Variants in ARFGEF3 observed in about 807,000 individuals in gnomAD.
ARFGEF3 encodes the protein brefeldin A-inhibited guanine nucleotide-exchange protein 3.
ARFGEF3 carries 96 observed loss-of-function variants against 221.7 expected under a neutral mutation model. The ratio of observed to expected loss-of-function variants is 0.43; its 90% CI spans 0.37 to 0.51. ARFGEF3 has a LOEUF of 0.51. Ranked by LOEUF, ARFGEF3 falls within the 20% of genes least tolerant of loss-of-function variation. The pLI is 0.00. For synonymous variants in ARFGEF3, 1,145 were observed against 1,126.8 expected (o/e 1.02, Z -0.32); for missense variants, 2,410 against 2,789.9 (o/e 0.86, Z 3.07).
chr6:138,334,302 A>G lies in ARFGEF3; in HGVS notation c.5456A>G (p.His1819Arg). 6.2e-7 allele frequency: 1 copy of G among 1,613,670 alleles called. No homozygotes were observed. Residue 1819 changes from histidine to arginine, a missense_variant, in exon 33 of 34, where the codon CAC (histidine) becomes CGC (arginine). By Grantham distance (29) the His-to-Arg change is conservative. Around this residue, in one of 5 missense-constraint regions of ARFGEF3, gnomAD observed 723 missense variants for 991.9 expected, o/e 0.73. Transcript: ENST00000251691. The surrounding 1 kb of genome is among the most constrained non-coding windows in gnomAD (Gnocchi z 5.1). ...GCGATGAGCTTTAACATTTATTTCC[A>G]CGCCCTGGTGTGTGCTGTTCTCACC... Reference protein sequence around the residue: ...QSAMSFNIYFHALVCAVLTNQ... With the variant: ...QSAMSFNIYFRALVCAVLTNQ...
Position 138,324,116 on chromosome 6 carries a change from G to A in ARFGEF3, c.4963G>A (p.Glu1655Lys), listed in dbSNP as rs767837982. The change falls in exon 31 of 34, where the codon GAG (glutamate) becomes AAG (lysine). Residue 1655 changes from glutamate (E) to lysine (K), a missense_variant. Physicochemically the swap from Glu to Lys is moderately conservative, Grantham distance 56. Coordinates refer to ENST00000251691, the MANE Select transcript of ARFGEF3 (RefSeq NM_020340.5). ...VAAPSSSPSA[E>K]AEYWRIRAMA... is the part of the protein sequence containing the mutation. ...GGCCCCGTCCTCCTCCCCAAGTGCCGAGGCCGAGTACTGGCGCATCCGAGC... is the reference window on the plus strand; with the variant it reads ...GGCCCCGTCCTCCTCCCCAAGTGCCAAGGCCGAGTACTGGCGCATCCGAGC... The A allele has an allele frequency of 1.1e-5, 18 of 1,613,686 alleles. No homozygotes were observed. The highest frequency in any genetic ancestry group is 2.2e-5 in the East Asian group (1 of 44,884).
At chr6:138,218,480 A>T (rs995904398) in intron 4 of ARFGEF3, 1 of 1,455,128 alleles carries the variant, frequency 6.9e-7, no homozygotes. Flanking sequence ...CCACCTCGAT[A>T]TATTTAAGGT....
chr6:138,299,556 C>A (rs554191374), intron 22 of ARFGEF3, among the ~76,000 whole-genome samples: 5 of 152,286 alleles, frequency 3.3e-5, no homozygotes, highest in East Asian at 1.9e-4. Flanking sequence ...TTAAACATTT[C>A]TTTTAAATAC....
chr6:138,301,169 T>C (rs1447955989), intron 22 of ARFGEF3, among the ~76,000 whole-genome samples: 1 of 152,114 alleles, frequency 6.6e-6, no homozygotes, highest in Non-Finnish European at 1.5e-5. Context: ...AGAAGTTAGG[T>C]TAACCTTCCC....
chr6:138,292,161 T>A, intron 19 of ARFGEF3, 108 bp downstream of exon 19: 2 of 922,994 alleles, frequency 2.2e-6, no homozygotes, highest in Non-Finnish European at 3.0e-6. Context: ...GCCAATCACT[T>A]AAATCTCTTC....
Position 138,321,143 on chromosome 6 carries a change from C to T in ARFGEF3, c.4684C>T (p.Leu1562=), listed in dbSNP as rs1360942675. Residue 1562 remains leucine (L), a synonymous_variant, in exon 29 of 34, where the codon CTG becomes TTG. Transcript: ENST00000251691. ...GTACGAGAGCATGATCAATACCATG[C>T]TGAAGGACCTCTTTGAGTTGCTGGT... ...IRYESMINTM[L]KDLFELLVAC... is the part of the protein sequence containing the mutation. 1.5e-5 allele frequency: 24 copies of T among 1,563,536 alleles called. No homozygotes were observed. The highest frequency in any genetic ancestry group is 2.0e-5 in the Non-Finnish European group (23 of 1,152,400).
chr6:138,209,005 A>G (rs568660798), intron 3 of ARFGEF3, among the ~76,000 whole-genome samples: 24 of 152,268 alleles, frequency 1.6e-4, no homozygotes, highest in Middle Eastern at 3.4e-3. Flanking sequence ...ACAATCTGAA[A>G]AAGAATTTTA....
chr6:138,181,576 TGGA>T (rs1362077859), intron 2 of ARFGEF3, among the ~76,000 whole-genome samples: 2 of 152,178 alleles, frequency 1.3e-5, no homozygotes, highest in African/African-American at 2.4e-5. Flanking sequence ...CCAGAGTAGC[TGGA>T]GTTACAGGCA....
intron 1 of ARFGEF3, among the ~76,000 whole-genome samples, chr6:138,166,237 A>G (rs1253170270): frequency 2.6e-5 from 4 of 152,226 alleles, no homozygotes; most frequent in African/African-American, 7.2e-5. Context: ...TTTAAATAAT[A>G]TTCATCTTTT....
chr6:138,299,008 A>G (rs978674336), intron 22 of ARFGEF3, among the ~76,000 whole-genome samples: 12 of 151,968 alleles, frequency 7.9e-5, no homozygotes, highest in African/African-American at 2.7e-4. Context: ...GGCCAGCCTG[A>G]CCAACATGGT....
chr6:138,221,658 T>A (rs1480130953), intron 4 of ARFGEF3, among the ~76,000 whole-genome samples: 1 of 152,160 alleles, frequency 6.6e-6, no homozygotes, highest in Non-Finnish European at 1.5e-5. Flanking sequence ...AAATTAATTA[T>A]AACTAATATT....
intron 5 of ARFGEF3, among the ~76,000 whole-genome samples, chr6:138,234,902 G>A (rs1257485099): frequency 6.6e-6 from 1 of 152,132 alleles, no homozygotes; most frequent in Non-Finnish European, 1.5e-5. Flanking sequence ...GGAAAGAGAA[G>A]GTAATTGCAC....
Position 138,298,730 on chromosome 6 carries a change from G to A in ARFGEF3, c.3773G>A (p.Arg1258Gln), listed in dbSNP as rs771535333. Residue 1258 changes from arginine (R) to glutamine (Q), a missense_variant, in exon 22 of 34, where the codon CGA becomes CAA. Arg to Gln is a conservative substitution (Grantham distance 43, BLOSUM62 1). This residue lies in a region of ARFGEF3 where 723 missense variants were observed against 991.9 expected (regional missense o/e 0.73). Transcript: ENST00000251691. ...PHFHFNEALF[R>Q]PFERIMQLEL... is the part of the protein sequence containing the mutation. ...TTTCACTTCAATGAAGCACTCTTCC[G>A]ACCTTTCGAGCGCATTATGCAGCTG... 17 of 1,613,398 alleles carry A rather than the reference G, an allele frequency of 1.1e-5. No individual in the cohort carries two copies. The highest frequency in any genetic ancestry group is 3.3e-5 in the Admixed American group (2 of 59,990).
chr6:138,263,806 T>C (rs749961447), intron 12 of ARFGEF3, among the ~76,000 whole-genome samples, 195 bp downstream of exon 12: 4 of 152,222 alleles, frequency 2.6e-5, no homozygotes, highest in Non-Finnish European at 5.9e-5. Flanking sequence ...CAGCAGTCGA[T>C]GGCTGGAATA....
chr6:138,316,483 A>G (rs1036600481), intron 26 of ARFGEF3, among the ~76,000 whole-genome samples: 1 of 152,234 alleles, frequency 6.6e-6, no homozygotes, highest in Non-Finnish European at 1.5e-5. Context: ...ACAGAATAAT[A>G]TAACAGACTT....
Position 138,286,920 on chromosome 6 carries a change from C to T in ARFGEF3, c.2785+4C>T, listed in dbSNP as rs776623283. The T allele has an allele frequency of 6.2e-7, 1 of 1,612,580 alleles. No individual in the cohort carries two copies. Among genetic ancestry groups the T allele is most frequent in the Non-Finnish European group, 8.5e-7 (1 of 1,179,714 alleles). On this transcript the variant is annotated splice_donor_region_variant and intron_variant, in intron 16 of 33. Coordinates refer to ENST00000251691, the MANE Select transcript of ARFGEF3 (RefSeq NM_020340.5). ...GCACGGCTGAGCTGCGCTCTAGGTACCAGCGGGAGTAGTGTTCCCTGGCCG... is the reference window on the plus strand; with the variant it reads ...GCACGGCTGAGCTGCGCTCTAGGTATCAGCGGGAGTAGTGTTCCCTGGCCG...
rs560455332 is a variant in ARFGEF3 at position 138,266,624 on chromosome 6, C to T, written c.2128+3013C>T. ...CACCACTTTGGGAGGCCGAGGCAGG[C>T]GGATCATGAGGTTAGGAGATCGAGA... On this transcript the variant is annotated intron_variant, in intron 12 of 33. Coordinates refer to ENST00000251691, the MANE Select transcript of ARFGEF3 (RefSeq NM_020340.5). Among the ~76,000 whole-genome samples the T allele has an allele frequency of 2.0e-4, 31 of 152,118 alleles. No individual in the cohort carries two copies. The East Asian group carries it at 2.5e-3, about 12-fold the overall frequency.
chr6:138,336,682 A>C lies in ARFGEF3; in HGVS notation c.*196A>C, dbSNP rs1233921890. 4.8e-6 allele frequency: 2 copies of C among 413,634 alleles called. No individual in the cohort carries two copies. The highest frequency in any genetic ancestry group is 4.1e-5 in the African/African-American group (2 of 48,728). 25.6% of individuals were successfully genotyped at this position (413,634 alleles called of 1,614,324 possible). On this transcript the variant is annotated 3_prime_UTR_variant, in exon 34 of 34. Coordinates refer to ENST00000251691, the MANE Select transcript of ARFGEF3 (RefSeq NM_020340.5). ...CCATACTAAGGTTTGTATCTAGATG[A>C]CACAAACGATATTCTGATTTTGCAC...
chr6:138,199,450 T>C (rs974844497), intron 2 of ARFGEF3, among the ~76,000 whole-genome samples: 1 of 152,210 alleles, frequency 6.6e-6, no homozygotes, highest in African/African-American at 2.4e-5. Context: ...CATTCAGGAA[T>C]GTATTTGGGG....
Sources: gnomAD v4.1 joint callset for allele counts (sites outside exome capture counted in the v4.1 genomes callset) on GRCh38, gnomAD v4.1.1 for gene constraint, gnomAD v4.1.1 regional missense constraint, Gnocchi (gnomAD v3.1) non-coding constraint, MANE v1.5 for transcripts, NCBI Gene and HGNC (gene_info 2026-07-23, HGNC 2026-07-21) for gene names.